Variants in CNGB3 observed in about 807,000 individuals in gnomAD.
The protein encoded by CNGB3 is cyclic nucleotide-gated channel beta-3.
CNGB3 carries 86 observed loss-of-function variants against 92.8 expected under a neutral mutation model. That is an observed-to-expected ratio of 0.93 (90% CI 0.78 to 1.11). The LOEUF (loss-of-function observed/expected upper bound fraction) is 1.11, where lower values mean the gene tolerates loss of function less well. Among genes scored for constraint, CNGB3 ranks in the 50% least tolerant of loss-of-function variants. The probability of loss-of-function intolerance (pLI) is 0.00; values close to 1 mark genes in which losing one functional copy is unlikely to be tolerated. For missense variants in CNGB3, 1,026 were observed against 956.8 expected (o/e 1.07, Z -0.95); for synonymous variants, 333 against 332.7 (o/e 1.00, Z -0.01).
intron 2 of CNGB3, 35 bp downstream of exon 2, chr8:86,739,620 G>GTTTTTTTTTTTTTTTTTTTTTTTATT: frequency 6.7e-7 from 1 of 1,488,506 alleles, no homozygotes. Flanking sequence ...TCACTTTTTA[G>GTTTTTTTTTTTTTTTTTTTTTTTATT]TTTTTTTTTT....
At chr8:86,661,559 A>T in intron 6 of CNGB3, 1 of 721,634 alleles carries the variant, frequency 1.4e-6, no homozygotes, top group Non-Finnish European at 2.6e-6. Context: ...AATTTTCTCT[A>T]ATGTTGCCAA....
At chr8:86,592,498 G>A (rs1822069034) in intron 15 of CNGB3, among the ~76,000 whole-genome samples, 1 of 152,164 alleles carries the variant, frequency 6.6e-6, no homozygotes, top group African/African-American at 2.4e-5. Flanking sequence ...TTTGACTGAT[G>A]AAGAAATGAA....
rs966690222 is a variant in CNGB3 at position 86,700,919 on chromosome 8, C to T, written c.338+25612G>A. ...CCTCCCAAAGTGCTGGGATTACAGG[C>T]GTGAGCCACTGTGCCCGGCTGGGAA... On this transcript the variant is annotated intron_variant, in intron 3 of 17. Transcript: ENST00000320005. 1.3e-4 allele frequency among the ~76,000 whole-genome samples: 20 copies of T among 152,246 alleles called. No individual in the cohort carries two copies. In the East Asian group the frequency reaches 2.5e-3, roughly 19 times the overall value.
intron 7 of CNGB3, among the ~76,000 whole-genome samples, chr8:86,648,255 G>A (rs1296843687): frequency 6.6e-6 from 1 of 150,952 alleles, no homozygotes; most frequent in Non-Finnish European, 1.5e-5. Flanking sequence ...GTCCATTCTT[G>A]ATTTTATTTG....
intron 7 of CNGB3, among the ~76,000 whole-genome samples, chr8:86,648,889 G>T (rs1338624066): frequency 6.6e-6 from 1 of 151,254 alleles, no homozygotes; most frequent in Admixed American, 6.6e-5. Context: ...TGATATGATC[G>T]TATCCTAGAA....
intron 13 of CNGB3, among the ~76,000 whole-genome samples, chr8:86,618,577 C>T (rs1262201625): frequency 6.6e-6 from 1 of 152,168 alleles, no homozygotes; most frequent in African/African-American, 2.4e-5. Context: ...TGGGCAGTAG[C>T]CCTCCATGTC....
At chr8:86,612,509 G>A (rs559001611) in intron 13 of CNGB3, among the ~76,000 whole-genome samples, 1 of 152,178 alleles carries the variant, frequency 6.6e-6, no homozygotes, top group Non-Finnish European at 1.5e-5. Context: ...ACTAATTGTA[G>A]AGTCAGTGGC....
At chr8:86,720,821 T>TGC (rs1254844893) in intron 3 of CNGB3, among the ~76,000 whole-genome samples, 2 of 121,462 alleles carry the variant, frequency 1.6e-5, no homozygotes, top group African/African-American at 3.1e-5. Context: ...GGCATATATA[T>TGC]ATATATATAT....
At chr8:86,590,700 G>A (rs367930084) in intron 15 of CNGB3, among the ~76,000 whole-genome samples, 3,659 of 144,572 alleles carry the variant, frequency 0.025, 94 homozygotes, top group East Asian at 0.064. Flanking sequence ...GGTTTCTGCT[G>A]AGAGATCCGC....
At chr8:86,703,429 A>G (rs937807133) in intron 3 of CNGB3, among the ~76,000 whole-genome samples, 1 of 152,318 alleles carries the variant, frequency 6.6e-6, no homozygotes, top group East Asian at 1.9e-4. Flanking sequence ...TGCACACAAT[A>G]TAATTCTTTT....
Position 86,659,809 on chromosome 8 carries a change from C to T in CNGB3, c.853-5747G>A. The T allele has an allele frequency of 7.7e-6, 3 of 389,348 alleles. No individual in the cohort carries two copies. In the Admixed American group the frequency reaches 1.1e-4, roughly 14 times the overall value. 24.1% of individuals were successfully genotyped at this position (389,348 alleles called of 1,614,324 possible). ...TTTCAGTTGCTTGCTTTCTTTTCTT[C>T]TTCCAGTTGATCCAGAATTTCTTGG... On this transcript the variant is annotated intron_variant, in intron 6 of 17. Transcript: ENST00000320005.
intron 13 of CNGB3, among the ~76,000 whole-genome samples, chr8:86,617,810 A>G (rs921258951): frequency 6.6e-6 from 1 of 152,184 alleles, no homozygotes; most frequent in Non-Finnish European, 1.5e-5. Context: ...TTTTGGCACC[A>G]GGGACCAGTT....
intron 3 of CNGB3, among the ~76,000 whole-genome samples, chr8:86,690,701 G>T (rs1318553425): frequency 2.6e-5 from 4 of 151,774 alleles, no homozygotes; most frequent in East Asian, 1.9e-4. Context: ...GGTCTAACAT[G>T]TAAGACTTTA....
intron 14 of CNGB3, among the ~76,000 whole-genome samples, chr8:86,608,048 C>T (rs1822445946): frequency 6.6e-6 from 1 of 152,098 alleles, no homozygotes; most frequent in Non-Finnish European, 1.5e-5. Flanking sequence ...GGCAAGCCAC[C>T]CAGGTGCCGA....
intron 7 of CNGB3, among the ~76,000 whole-genome samples, chr8:86,653,200 T>A (rs569001833): frequency 6.6e-6 from 1 of 151,884 alleles, no homozygotes; most frequent in South Asian, 2.1e-4. Flanking sequence ...AAAGTAAGAG[T>A]TTGGAATAAG....
At chr8:86,694,071 G>C (rs1162271004) in intron 3 of CNGB3, among the ~76,000 whole-genome samples, 11 of 1,968 alleles carry the variant, frequency 5.6e-3, no homozygotes, top group Non-Finnish European at 5.0e-3. Context: ...TGGCCGGGCG[G>C]GGGGGCTGAC....
chr8:86,665,999 G>A (rs1823733851), intron 6 of CNGB3, among the ~76,000 whole-genome samples: 1 of 152,204 alleles, frequency 6.6e-6, no homozygotes, highest in Admixed American at 6.5e-5. Context: ...CTACATGGAG[G>A]CACTTCACTT....
In CNGB3 at chr8:86,661,621, T is replaced by A. The variant is rs1442231396; in HGVS notation, c.852+5304A>T. ...CCAACTTTTTCCCACTAATAAGTTC[T>A]TCTTTCTTCATCTTACAGTGATTTA... is the stretch of plus-strand genomic sequence containing the variant. On this transcript the variant is annotated intron_variant, in intron 6 of 17. Transcript: ENST00000320005. 4 of 819,050 alleles carry A rather than the reference T, an allele frequency of 4.9e-6. No homozygotes were observed. In the African/African-American group the frequency reaches 6.8e-5, roughly 14 times the overall value. The allele number at this position is 819,050 out of a possible 1,614,324, so 50.7% of individuals were successfully genotyped here.
intron 3 of CNGB3, among the ~76,000 whole-genome samples, chr8:86,681,363 A>G (rs1193750103): frequency 3.9e-5 from 6 of 152,194 alleles, no homozygotes; most frequent in Non-Finnish European, 8.8e-5. Context: ...AACAGAGGAG[A>G]GAATGAGTTG....
Sources: gnomAD v4.1 joint callset for allele counts (sites outside exome capture counted in the v4.1 genomes callset) on GRCh38, gnomAD v4.1.1 for gene constraint, MANE v1.5 for transcripts, NCBI Gene and HGNC (gene_info 2026-07-23, HGNC 2026-07-21) for gene names.